STMN4: variants seen among roughly 807,000 people sequenced by gnomAD.
The protein encoded by STMN4 is stathmin 4, also known as stathmin-4.
A neutral mutation model predicts 29.1 loss-of-function variants in STMN4; 12 were observed. That is an observed-to-expected ratio of 0.41 (90% CI 0.26 to 0.67). The LOEUF is 0.67. Ranked by LOEUF, STMN4 falls within the 30% of genes least tolerant of loss-of-function variation. The probability of loss-of-function intolerance (pLI) is 0.30; values close to 1 mark genes in which losing one functional copy is unlikely to be tolerated. For missense variants in STMN4, 181 were observed against 262.8 expected, an observed-to-expected ratio of 0.69 and a Z score of 2.15; for synonymous variants, 114 against 105.3, an observed-to-expected ratio of 1.08 and a Z score of -0.51.
intron 1 of STMN4, among the ~76,000 whole-genome samples, chr8:27,257,821 C>T (rs1801986717): frequency 6.6e-6 from 1 of 151,970 alleles, no homozygotes; most frequent in Admixed American, 6.6e-5. Context: ...TGGGGCGGGG[C>T]CAAGAGGAGG....
intron 6 of STMN4, among the ~76,000 whole-genome samples, chr8:27,238,576 T>G (rs895983152): frequency 6.6e-6 from 1 of 152,228 alleles, no homozygotes; most frequent in African/African-American, 2.4e-5. Flanking sequence ...GGCAGAGCCC[T>G]AAGTTCTGCA....
chr8:27,252,695 T>A (rs564861943), intron 1 of STMN4, among the ~76,000 whole-genome samples: 1 of 152,344 alleles, frequency 6.6e-6, no homozygotes, highest in African/African-American at 2.4e-5. Flanking sequence ...GTCATACAAG[T>A]AGAAAGTGGT....
Position 27,241,174 on chromosome 8 carries a change from G to A in STMN4, c.279C>T (p.Val93=), listed in dbSNP as rs1446314657. 4 of 1,614,132 alleles carry A rather than the reference G, an allele frequency of 2.5e-6. No homozygotes were observed. The East Asian group carries it at 6.7e-5, about 27-fold the overall frequency. ...NKCTSGQSFE[V]ILKPPSFDGV... ...CATCAAAGGAGGGTGGCTTCAGGAT[G>A]ACTTCAAAGGATTGGCCCGAGGTGC... is the stretch of plus-strand genomic sequence containing the variant. Residue 93 remains valine, a synonymous_variant, in exon 5 of 7, where the codon GTC becomes GTT. Coordinates refer to ENST00000350889, the MANE Select transcript of STMN4 (RefSeq NM_030795.4).
chr8:27,241,578 C>G (rs995926036), intron 4 of STMN4, 99 bp downstream of exon 4: 3 of 1,408,854 alleles, frequency 2.1e-6, no homozygotes, highest in Non-Finnish European at 3.0e-6. Context: ...ATTTGTCGTC[C>G]GTGGTGACAG....
intron 6 of STMN4, among the ~76,000 whole-genome samples, chr8:27,238,338 C>T (rs1382683788): frequency 6.6e-6 from 1 of 152,192 alleles, no homozygotes; most frequent in South Asian, 2.1e-4. Context: ...AACATACACC[C>T]AACTCTCACC....
At chr8:27,246,724 C>T (rs966718103) in intron 1 of STMN4, among the ~76,000 whole-genome samples, 2 of 152,140 alleles carry the variant, frequency 1.3e-5, no homozygotes, top group African/African-American at 4.8e-5. Context: ...AGCCAAGGAA[C>T]CTTTGGGGCC....
intron 2 of STMN4, 56 bp from the exon 3 acceptor site, chr8:27,242,548 C>G (rs1342584228): frequency 2.3e-5 from 36 of 1,571,688 alleles, no homozygotes; most frequent in Non-Finnish European, 2.4e-5. Context: ...CAGAAGTCAG[C>G]GTCCTCACGG....
intron 6 of STMN4, among the ~76,000 whole-genome samples, chr8:27,238,101 G>A (rs1801361649): frequency 6.6e-6 from 1 of 152,210 alleles, no homozygotes; most frequent in African/African-American, 2.4e-5. Flanking sequence ...GAGGAGTGGT[G>A]TGCACAGGGC....
chr8:27,252,813 T>G (rs1203023860), intron 1 of STMN4, among the ~76,000 whole-genome samples: 3 of 152,178 alleles, frequency 2.0e-5, no homozygotes, highest in African/African-American at 7.2e-5. Flanking sequence ...GTAAATGCAA[T>G]GGATGATTGC....
chr8:27,253,567 G>A (rs1801853063), intron 1 of STMN4, among the ~76,000 whole-genome samples: 1 of 152,196 alleles, frequency 6.6e-6, no homozygotes, highest in Non-Finnish European at 1.5e-5. Flanking sequence ...GGGATCCAGT[G>A]ATGATCTTAC....
At position 27,243,740 on chromosome 8, in the gene STMN4, G is replaced by T; in HGVS notation, c.-17C>A. 6.2e-7 allele frequency: 1 copy of T among 1,614,222 alleles called. No homozygotes were observed. Among genetic ancestry groups the T allele is most frequent in the Non-Finnish European group, 8.5e-7 (1 of 1,180,038 alleles). On this transcript the variant is annotated 5_prime_UTR_variant, in exon 2 of 7. Transcript: ENST00000350889. ...AAGGGTCATGTTTCTGGGATCTGGT[G>T]GCTGAATCTAGCTGAAAGTTACAGA...
At chr8:27,243,997 T>G (rs534197555) in intron 1 of STMN4, among the ~76,000 whole-genome samples, 196 bp from the exon 2 acceptor site, 136 of 152,266 alleles carry the variant, frequency 8.9e-4, no homozygotes, top group Admixed American at 2.1e-3. Context: ...CAAGCTCAGA[T>G]TCCATGAACT....
chr8:27,247,515 C>T (rs982387338), intron 1 of STMN4, among the ~76,000 whole-genome samples: 12 of 152,206 alleles, frequency 7.9e-5, no homozygotes, highest in South Asian at 4.1e-4. Flanking sequence ...GTGGCATCTG[C>T]GCCCAGTGGG....
At chr8:27,244,216 TC>T (rs34481612) in intron 1 of STMN4, among the ~76,000 whole-genome samples, 1 of 152,128 alleles carries the variant, frequency 6.6e-6, no homozygotes, top group Non-Finnish European at 1.5e-5. Context: ...CCTGGACTTC[TC>T]CCCGCACATG....
chr8:27,239,820 G>C (rs765897563), intron 6 of STMN4, 151 bp downstream of exon 6: 2 of 1,545,884 alleles, frequency 1.3e-6, no homozygotes, highest in Non-Finnish European at 1.7e-6. Context: ...ATCATCCTTC[G>C]GAACTCTCTA....
At chr8:27,248,158 G>C (rs56309224) in intron 1 of STMN4, among the ~76,000 whole-genome samples, 9,519 of 152,258 alleles carry the variant, frequency 0.063, 420 homozygotes, top group Non-Finnish European at 0.092. Flanking sequence ...GGCCTCCCTG[G>C]GCAGCTGAGC....
At chr8:27,255,593 T>C (rs568034277) in intron 1 of STMN4, among the ~76,000 whole-genome samples, 2 of 152,354 alleles carry the variant, frequency 1.3e-5, no homozygotes, top group East Asian at 1.9e-4. Context: ...TTCTCCTCCT[T>C]TCTTTATCTC....
chr8:27,248,834 T>C (rs1008668016), intron 1 of STMN4, among the ~76,000 whole-genome samples: 1 of 152,168 alleles, frequency 6.6e-6, no homozygotes, highest in Non-Finnish European at 1.5e-5. Flanking sequence ...GCAACATTCG[T>C]TTGGGGAAAA....
intron 3 of STMN4, chr8:27,242,180 G>C: frequency 3.4e-6 from 2 of 591,264 alleles, no homozygotes; most frequent in Non-Finnish European, 6.0e-6. Context: ...GCACTCTGGG[G>C]GGCGCCTGAT....
Sources: allele counts gnomAD v4.1 joint callset (sites outside exome capture counted in the v4.1 genomes callset), GRCh38; gene constraint gnomAD v4.1.1; transcripts MANE v1.5; gene names NCBI Gene and HGNC (gene_info 2026-07-23, HGNC 2026-07-21).